Variants in EFCAB12 observed in about 807,000 individuals in gnomAD.
The protein encoded by EFCAB12 is EF-hand calcium binding domain 12, also known as EF-hand calcium-binding domain-containing protein 12.
In EFCAB12, 43 loss-of-function variants were observed where a neutral mutation model predicts 53.6. The ratio of observed to expected loss-of-function variants is 0.80; its 90% CI spans 0.63 to 1.03. EFCAB12 has a LOEUF of 1.03. Among genes scored for constraint, EFCAB12 ranks in the 50% least tolerant of loss-of-function variants. The pLI, the probability that EFCAB12 is intolerant of heterozygous loss-of-function variation, is 0.00. For synonymous variants in EFCAB12, 269 were observed against 289.2 expected (o/e 0.93, Z 0.71); for missense variants, 646 against 730.6 (o/e 0.88, Z 1.34).
At chr3:129,422,707 A>G (rs553696368) in intron 1 of EFCAB12, among the ~76,000 whole-genome samples, 54 of 152,232 alleles carry the variant, frequency 3.5e-4, no homozygotes, top group African/African-American at 1.3e-3. Flanking sequence ...ATGCTGAATG[A>G]GGGCTGAGGT....
intron 6 of EFCAB12, 115 bp downstream of exon 6, chr3:129,408,530 C>T (rs534198649): frequency 1.4e-4 from 155 of 1,141,256 alleles, no homozygotes; most frequent in Non-Finnish European, 1.8e-4. Context: ...CCAATGTCCC[C>T]ACCAGAGATT....
chr3:129,420,415 C>T (rs966292329), intron 2 of EFCAB12, among the ~76,000 whole-genome samples: 1 of 152,196 alleles, frequency 6.6e-6, no homozygotes. Context: ...TATCTGTCTT[C>T]TTATCCCAAG....
rs143807536 is a variant in EFCAB12 at position 129,402,081 on chromosome 3, A to G, written c.1461-230T>C. On this transcript the variant is annotated intron_variant, in intron 8 of 8. Transcript: ENST00000505956. ...CCGTCGCACACTGAGCAAGTGGCCAAGTGCAGGCTTCATTCCTTGTCCAAT... is the reference window on the plus strand; with the variant it reads ...CCGTCGCACACTGAGCAAGTGGCCAGGTGCAGGCTTCATTCCTTGTCCAAT... 9.2e-5 allele frequency among the ~76,000 whole-genome samples: 14 copies of G among 152,352 alleles called. No homozygotes were observed. In the East Asian group the frequency reaches 2.7e-3, roughly 29 times the overall value.
intron 5 of EFCAB12, among the ~76,000 whole-genome samples, chr3:129,410,340 A>T (rs1187140464): frequency 1.3e-5 from 2 of 150,064 alleles, no homozygotes; most frequent in Non-Finnish European, 3.0e-5. Context: ...TTTTTGAGAC[A>T]AGATCTTGCT....
chr3:129,404,181 C>T, intron 7 of EFCAB12, 69 bp downstream of exon 7: 1 of 1,548,510 alleles, frequency 6.5e-7, no homozygotes, highest in Non-Finnish European at 8.7e-7. Context: ...CAGCCTCCAG[C>T]CCCCACACTG....
chr3:129,414,128 G>C (rs1363902392), intron 4 of EFCAB12: 1 of 152,298 alleles, frequency 6.6e-6, no homozygotes, highest in African/African-American at 2.4e-5. Flanking sequence ...AGGAGCGACT[G>C]TTGGGGTGCT....
Position 129,428,615 on chromosome 3 carries a change from C to CA in EFCAB12, c.-128dup. 8.4e-7 allele frequency: 1 copy of CA among 1,190,156 alleles called. No homozygotes were observed. Among genetic ancestry groups the CA allele is most frequent in the South Asian group, 1.5e-5 (1 of 65,538 alleles). 73.7% of individuals were successfully genotyped at this position (1,190,156 alleles called of 1,614,324 possible). A position where few individuals can be genotyped will look rare whatever the true frequency, so the allele number is the denominator to read the frequency against. On this transcript the variant is annotated 5_prime_UTR_variant, in exon 1 of 9. Coordinates refer to ENST00000505956, the MANE Select transcript of EFCAB12 (RefSeq NM_207307.3). ...CAAGTCGTGCGAAAGGCGCTCAGCT[C>CA]AGACTGCAGAAGCAACCTGTTGCCG...
intron 6 of EFCAB12, among the ~76,000 whole-genome samples, chr3:129,405,193 T>A (rs1164653988): frequency 6.6e-6 from 1 of 152,200 alleles, no homozygotes; most frequent in African/African-American, 2.4e-5. Context: ...TTTTCTCAGA[T>A]GTGCTGAATA....
chr3:129,409,189 C>T (rs1301258798), intron 5 of EFCAB12, among the ~76,000 whole-genome samples: 1 of 152,266 alleles, frequency 6.6e-6, no homozygotes, highest in East Asian at 1.9e-4. Flanking sequence ...ATGGCTCACA[C>T]CTGTCATCCC....
rs947295968 is a variant in EFCAB12, at chr3:129,421,241, C to G, written c.486+126G>C. On this transcript the variant is annotated intron_variant, in intron 2 of 8. Transcript: ENST00000505956. ...CTAGACAACTAATACACCTCCCTCT[C>G]AAGACTTCTGTTTGCTCCTCTGTGA... is the stretch of plus-strand genomic sequence containing the variant. 3 of 1,123,078 alleles carry G rather than the reference C, an allele frequency of 2.7e-6. No individual in the cohort carries two copies. The African/African-American group carries it at 4.7e-5, about 18-fold the overall frequency. The allele number at this position is 1,123,078 out of a possible 1,614,324, so 69.6% of individuals were successfully genotyped here.
chr3:129,427,610 C>A (rs67258555), intron 1 of EFCAB12, among the ~76,000 whole-genome samples: 20,038 of 152,248 alleles, frequency 0.13, 1,675 homozygotes, highest in South Asian at 0.24. Flanking sequence ...CCCTGTTTCT[C>A]CACTGGGCAT....
chr3:129,423,809 C>T (rs529554428), intron 1 of EFCAB12, among the ~76,000 whole-genome samples: 20 of 152,250 alleles, frequency 1.3e-4, no homozygotes, highest in Non-Finnish European at 2.6e-4. Flanking sequence ...CCAGCCTCTC[C>T]GATTTCTCTG....
chr3:129,414,395 G>C (rs372580843), intron 4 of EFCAB12: 18 of 152,330 alleles, frequency 1.2e-4, no homozygotes, highest in East Asian at 5.8e-4. Context: ...CTCCTCCAGG[G>C]CTCCTGTGTG....
At position 129,418,237 on chromosome 3, in the gene EFCAB12, A is replaced by G; in HGVS notation, c.681+17T>C. ...CTGCCCACTTAGGCCCATCCAGAGA[A>G]AGCAGGTGGCACTTACTGCCTTTAC... On this transcript the variant is annotated intron_variant, in intron 3 of 8. Coordinates refer to ENST00000505956, the MANE Select transcript of EFCAB12 (RefSeq NM_207307.3). The G allele has an allele frequency of 6.3e-7, 1 of 1,594,430 alleles. No individual in the cohort carries two copies. Among genetic ancestry groups the G allele is most frequent in the Non-Finnish European group, 8.6e-7 (1 of 1,168,828 alleles).
chr3:129,418,863 C>T (rs1002300175), intron 2 of EFCAB12, among the ~76,000 whole-genome samples: 1 of 152,180 alleles, frequency 6.6e-6, no homozygotes, highest in African/African-American at 2.4e-5. Context: ...AGACTTTTCT[C>T]TCTTTCTCTA....
At chr3:129,402,162 T>C (rs2071880881) in intron 8 of EFCAB12, among the ~76,000 whole-genome samples, 1 of 152,212 alleles carries the variant, frequency 6.6e-6, no homozygotes, top group African/African-American at 2.4e-5. Context: ...GGCATTTTAA[T>C]GTGGTGTTTG....
chr3:129,406,205 T>A (rs2071948939), intron 6 of EFCAB12, among the ~76,000 whole-genome samples: 1 of 152,084 alleles, frequency 6.6e-6, no homozygotes, highest in African/African-American at 2.4e-5. Flanking sequence ...GACCATGGTG[T>A]AAATAATCCG....
At chr3:129,415,673 C>T (rs1369326140) in intron 3 of EFCAB12, among the ~76,000 whole-genome samples, 1 of 152,190 alleles carries the variant, frequency 6.6e-6, no homozygotes, top group African/African-American at 2.4e-5. Flanking sequence ...GTCCAGATGT[C>T]ACCATCTTTA....
chr3:129,402,457 T>A, intron 8 of EFCAB12, 66 bp downstream of exon 8: 1 of 1,536,150 alleles, frequency 6.5e-7, no homozygotes, highest in Non-Finnish European at 8.9e-7. Flanking sequence ...GAGTCCCAGT[T>A]GTCTCAGGCG....
Sources: allele counts gnomAD v4.1 joint callset (sites outside exome capture counted in the v4.1 genomes callset), GRCh38; gene constraint gnomAD v4.1.1; transcripts MANE v1.5; gene names NCBI Gene and HGNC (gene_info 2026-07-23, HGNC 2026-07-21).